Variants in MAP2K3 observed in about 807,000 individuals in gnomAD.
MAP2K3 encodes dual specificity mitogen-activated protein kinase kinase 3.
MAP2K3 carries 30 observed loss-of-function variants against 46.4 expected under a neutral mutation model. The ratio of observed to expected loss-of-function variants is 0.65; its 90% confidence interval spans 0.48 to 0.88. MAP2K3 has a LOEUF of 0.88. MAP2K3 is among the 40% of genes least tolerant of loss of function. The pLI is 0.00. For synonymous variants in MAP2K3, 189 were observed against 176.3 expected, an observed-to-expected ratio of 1.07 and a Z score of -0.57; for missense variants, 380 against 464.5, an observed-to-expected ratio of 0.82 and a Z score of 1.67.
In MAP2K3 at chr17:21,314,439, C is replaced by T. The variant is rs1484986663; in HGVS notation, c.*209C>T. 32 of 578,246 alleles carry T rather than the reference C, an allele frequency of 5.5e-5. No homozygotes were observed. Among genetic ancestry groups the T allele is most frequent in the Non-Finnish European group, 8.1e-5 (26 of 322,088 alleles). 35.8% of individuals were successfully genotyped at this position (578,246 alleles called of 1,614,324 possible). On this transcript the variant is annotated 3_prime_UTR_variant, in exon 12 of 12. Transcript: ENST00000342679. Reference sequence around the variant, plus strand: ...TTGGGGCTCCCAGCCAGGCCCTTGTCGGCCCCACCAGTGCCTCTCCCTGCT... The same window carrying T: ...TTGGGGCTCCCAGCCAGGCCCTTGTTGGCCCCACCAGTGCCTCTCCCTGCT...
intron 11 of MAP2K3, 60 bp from the exon 12 acceptor site, chr17:21,314,082 GGAAGA>G: frequency 7.7e-7 from 1 of 1,290,996 alleles, no homozygotes. Context: ...AGCTGGTTGG[GGAAGA>G]GTGGCCACCT....
At chr17:21,312,885 C>T (rs1977231652) in intron 10 of MAP2K3, among the ~76,000 whole-genome samples, 3 of 150,092 alleles carry the variant, frequency 2.0e-5, no homozygotes, top group African/African-American at 2.5e-5. Flanking sequence ...CATGCCACTG[C>T]ACTCCAGCAT....
At chr17:21,298,769 G>A (rs1170426547) in intron 2 of MAP2K3, 109 bp from the exon 3 acceptor site, 10 of 1,531,266 alleles carry the variant, frequency 6.5e-6, no homozygotes, top group Admixed American at 1.7e-5. Flanking sequence ...CGCCTCCGGG[G>A]CAGGAGGCAC....
chr17:21,285,426 A>G (rs1256336622), intron 1 of MAP2K3: 1 of 314,416 alleles, frequency 3.2e-6, no homozygotes, highest in African/African-American at 2.3e-5. Context: ...ATTTAACTTG[A>G]GTCTCCATCT....
rs1657694 is a variant in MAP2K3, at chr17:21,305,137, G to T, written c.774+9G>T. ...GCCTGGGCATCACCATGGTACTGTGGGGGGCCAGGGCCTGCCCTTGGTGGT... is the reference window on the plus strand; with the variant it reads ...GCCTGGGCATCACCATGGTACTGTGTGGGGCCAGGGCCTGCCCTTGGTGGT... On this transcript the variant is annotated intron_variant, in intron 9 of 11. Transcript: ENST00000342679. 22 of 1,614,150 alleles carry T rather than the reference G, an allele frequency of 1.4e-5. No homozygotes were observed. Among genetic ancestry groups the T allele is most frequent in the East Asian group, 2.2e-5 (1 of 44,894 alleles).
At chr17:21,293,850 A>C (rs1976086211) in intron 1 of MAP2K3, among the ~76,000 whole-genome samples, 2 of 152,310 alleles carry the variant, frequency 1.3e-5, no homozygotes, top group Admixed American at 1.3e-4. Flanking sequence ...GTTAGATGGG[A>C]GAACCTTCCC....
At chr17:21,295,975 A>G in intron 1 of MAP2K3, 1 of 1,261,046 alleles carries the variant, frequency 7.9e-7, no homozygotes, top group Non-Finnish European at 1.0e-6. Flanking sequence ...GCAGAGCTTT[A>G]ATTTTTAACA....
chr17:21,291,058 C>T (rs533591161), intron 1 of MAP2K3, among the ~76,000 whole-genome samples: 23 of 152,418 alleles, frequency 1.5e-4, no homozygotes, highest in East Asian at 1.3e-3. Context: ...CTGTCTAACA[C>T]GGTAAAACCC....
chr17:21,314,176 C>G lies in MAP2K3; in HGVS notation c.990C>G (p.Thr330=). 6.2e-7 allele frequency: 1 copy of G among 1,614,076 alleles called. No homozygotes were observed. The highest frequency in any genetic ancestry group is 8.5e-7 in the Non-Finnish European group (1 of 1,179,960). Residue 330 remains threonine (T), a synonymous_variant, in exon 12 of 12, where the codon ACC becomes ACG. Coordinates refer to ENST00000342679, the MANE Select transcript of MAP2K3 (RefSeq NM_145109.3). ...MEHPFFTLHK[T]KKTDIAAFVK... is the part of the protein sequence containing the mutation. ...ACCCCTTCTTCACCTTGCACAAAAC[C>G]AAGAAGACGGACATTGCTGCCTTCG...
intron 1 of MAP2K3, among the ~76,000 whole-genome samples, chr17:21,294,746 C>T (rs571044366): frequency 6.4e-4 from 98 of 152,398 alleles, no homozygotes; most frequent in African/African-American, 2.2e-3. Flanking sequence ...TGTGCACTTC[C>T]AGATGGCCCC....
intron 1 of MAP2K3, among the ~76,000 whole-genome samples, chr17:21,293,989 AGGACCTCTGAT>A (rs1976094419): frequency 6.6e-6 from 1 of 152,308 alleles, no homozygotes; most frequent in East Asian, 1.9e-4. Flanking sequence ...GCAGTACCTC[AGGACCTCTGAT>A]GGCACCTGTC....
chr17:21,302,463 C>G (rs1976662492), intron 6 of MAP2K3, among the ~76,000 whole-genome samples: 1 of 152,310 alleles, frequency 6.6e-6, no homozygotes, highest in Non-Finnish European at 1.5e-5. Flanking sequence ...ACCTCCGCTC[C>G]TGGGGCTCCT....
At chr17:21,296,204 G>A (rs1026836734) in intron 1 of MAP2K3, 58 of 1,287,070 alleles carry the variant, frequency 4.5e-5, no homozygotes, top group African/African-American at 1.5e-4. Context: ...AGCACTGTGC[G>A]GGGCAGGTGG....
At chr17:21,297,071 C>G (rs976759551) in intron 1 of MAP2K3, among the ~76,000 whole-genome samples, 1 of 152,306 alleles carries the variant, frequency 6.6e-6, no homozygotes. Flanking sequence ...CCCTGGGACC[C>G]CTGTCCCTGC....
At chr17:21,296,179 C>A in intron 1 of MAP2K3, 2 of 1,289,614 alleles carry the variant, frequency 1.6e-6, no homozygotes, top group Non-Finnish European at 2.0e-6. Flanking sequence ...CAGACGTGAT[C>A]TTGCTTCGTC....
intron 6 of MAP2K3, among the ~76,000 whole-genome samples, chr17:21,302,947 A>G (rs1257498497): frequency 9.8e-5 from 15 of 152,296 alleles, no homozygotes; most frequent in African/African-American, 3.4e-4. Context: ...CCTCCCTGGG[A>G]GGTGAGCCCG....
intron 1 of MAP2K3, chr17:21,285,223 T>G: frequency 1.0e-6 from 1 of 985,044 alleles, no homozygotes. Context: ...GACTTTGTTC[T>G]GCTCACCCCA....
At chr17:21,300,431 A>G in intron 3 of MAP2K3, 114 bp from the exon 4 acceptor site, 2 of 1,099,010 alleles carry the variant, frequency 1.8e-6, no homozygotes, top group Non-Finnish European at 2.7e-6. Flanking sequence ...ATGAGGTTTG[A>G]GCCCAGATCT....
Position 21,301,009 on chromosome 17 carries a change from A to G in MAP2K3, c.399+16A>G. 5.0e-6 allele frequency: 8 copies of G among 1,613,990 alleles called. No homozygotes were observed. The highest frequency in any genetic ancestry group is 6.8e-6 in the Non-Finnish European group (8 of 1,179,990). ...ATTCAGAGAGGTGCGTCCTTGCATG[A>G]TGCAGCTGGGGATCTCCACCTCCCA... On this transcript the variant is annotated intron_variant, in intron 5 of 11. Transcript: ENST00000342679.
Sources: allele counts gnomAD v4.1 joint callset (sites outside exome capture counted in the v4.1 genomes callset), GRCh38; gene constraint gnomAD v4.1.1; transcripts MANE v1.5; gene names NCBI Gene and HGNC (gene_info 2026-07-23, HGNC 2026-07-21).